Variants in PTPRT observed in about 807,000 individuals in gnomAD.
The protein encoded by PTPRT is protein tyrosine phosphatase receptor type T.
PTPRT carries 56 observed loss-of-function variants against 176.8 expected under a neutral mutation model. The ratio of observed to expected loss-of-function variants is 0.32; its 90% CI spans 0.26 to 0.40. The LOEUF is 0.40. Among genes scored for constraint, PTPRT ranks in the 10% least tolerant of loss-of-function variants. The pLI is 1.00. For synonymous variants in PTPRT, 783 were observed against 739.0 expected, an observed-to-expected ratio of 1.06 and a Z score of -0.96; for missense variants, 1,540 against 1,908.2, an observed-to-expected ratio of 0.81 and a Z score of 3.60.
downstream of PTPRT, among the ~76,000 whole-genome samples, chr20:42,069,390 T>C (rs1982224197): frequency 6.6e-6 from 1 of 152,238 alleles, no homozygotes; most frequent in African/African-American, 2.4e-5. Flanking sequence ...TTTTCCCTTT[T>C]GGACATTGAC....
chr20:42,721,773 C>A (rs576620783), intron 6 of PTPRT, among the ~76,000 whole-genome samples: 1 of 152,218 alleles, frequency 6.6e-6, no homozygotes, highest in African/African-American at 2.4e-5. Flanking sequence ...CATCCATGCA[C>A]GCACACACAG....
chr20:42,351,886 T>C (rs1238614272), intron 10 of PTPRT, among the ~76,000 whole-genome samples, 198 bp downstream of exon 10: 1 of 152,250 alleles, frequency 6.6e-6, no homozygotes, highest in Admixed American at 6.5e-5. Context: ...ACCTAATTAA[T>C]CTAATTTTTA....
intron 1 of PTPRT, among the ~76,000 whole-genome samples, chr20:42,993,123 A>T (rs543528529): frequency 1.3e-5 from 2 of 152,160 alleles, no homozygotes; most frequent in East Asian, 3.9e-4. Flanking sequence ...CGGAACAGAA[A>T]ATATGTATTT....
rs774331913 is a variant in PTPRT, at chr20:42,771,531, C to T, written c.588G>A (p.Leu196=). 3.1e-6 allele frequency: 5 copies of T among 1,614,104 alleles called. No individual in the cohort carries two copies. The highest frequency in any genetic ancestry group is 2.2e-5 in the East Asian group (1 of 44,880). Residue 196 remains leucine (L), a synonymous_variant, in exon 5 of 31, where the codon CTG becomes CTA. Coordinates refer to ENST00000373187, the MANE Select transcript of PTPRT (RefSeq NM_007050.6). Reference sequence around the variant, plus strand: ...CATTCACCTCCACGTTTTGGAGTCGCAGAAAATGAGGTGCTTTTCCTAAGA... The same window carrying T: ...CATTCACCTCCACGTTTTGGAGTCGTAGAAAATGAGGTGCTTTTCCTAAGA... ...AHPCRKAPHF[L]RLQNVEVNVG...
chr20:42,937,067 C>T (rs905909510), intron 1 of PTPRT, among the ~76,000 whole-genome samples: 2 of 152,166 alleles, frequency 1.3e-5, no homozygotes, highest in Non-Finnish European at 2.9e-5. Context: ...AGCAGCCCAT[C>T]CCTGCGCAGT....
chr20:42,703,303 C>T (rs1324075639), intron 6 of PTPRT, among the ~76,000 whole-genome samples: 1 of 151,810 alleles, frequency 6.6e-6, no homozygotes, highest in Non-Finnish European at 1.5e-5. Flanking sequence ...ACACTGGAAG[C>T]CAGTAAAACC....
chr20:42,739,766 A>G (rs2076581139), intron 6 of PTPRT, among the ~76,000 whole-genome samples: 1 of 152,254 alleles, frequency 6.6e-6, no homozygotes, highest in Admixed American at 6.5e-5. Flanking sequence ...GCCTGAAAGC[A>G]GGAGACACAA....
At chr20:42,460,249 T>G (rs751764382) in intron 8 of PTPRT, among the ~76,000 whole-genome samples, 1 of 152,158 alleles carries the variant, frequency 6.6e-6, no homozygotes, top group Non-Finnish European at 1.5e-5. Flanking sequence ...AAGAAATAAT[T>G]AGGGAAATGA....
At position 42,110,734 on chromosome 20, in the gene PTPRT, C is replaced by T. The variant is rs751712049; in HGVS notation, c.3100-247G>A. ...TCAGAGTCTTGAGTGTGCTCATACA[C>T]ACTCTGAATGCCCAAGAGGGCCACA... On this transcript the variant is annotated intron_variant, in intron 22 of 30. Transcript: ENST00000373187. Among the ~76,000 whole-genome samples, 88 of 152,320 alleles carry T rather than the reference C, an allele frequency of 5.8e-4. 1 individual carries two copies. The highest frequency in any genetic ancestry group is 1.1e-3 in the Non-Finnish European group (73 of 68,038).
intron 1 of PTPRT, among the ~76,000 whole-genome samples, chr20:42,929,303 T>C (rs2145969033): frequency 1.3e-5 from 2 of 152,378 alleles, no homozygotes; most frequent in South Asian, 2.1e-4. Context: ...TTATCAATAA[T>C]TTAGAGTTCC....
chr20:42,046,778 A>AGT, the PTPRT span, among the ~76,000 whole-genome samples: 1,536 of 150,810 alleles, frequency 0.01, 21 homozygotes, highest in East Asian at 0.049. Flanking sequence ...TTGTCATGTG[A>AGT]GTGTGTGTGT....
intron 1 of PTPRT, among the ~76,000 whole-genome samples, chr20:43,092,286 A>G (rs1455311448): frequency 6.6e-6 from 1 of 152,224 alleles, no homozygotes; most frequent in Non-Finnish European, 1.5e-5. Flanking sequence ...ATGTGTACTC[A>G]TCGGCTTCCA....
At chr20:42,083,397 G>A (rs1424360992) in intron 29 of PTPRT, among the ~76,000 whole-genome samples, 1 of 152,170 alleles carries the variant, frequency 6.6e-6, no homozygotes, top group Non-Finnish European at 1.5e-5. Context: ...TGGGATGTGG[G>A]CAGAGCCAGC....
At chr20:42,118,953 C>A (rs1410488703) in intron 20 of PTPRT, among the ~76,000 whole-genome samples, 6 of 136,402 alleles carry the variant, frequency 4.4e-5, no homozygotes, top group Admixed American at 2.5e-4. Context: ...ACAGGAGATG[C>A]CTGATTTTGT....
chr20:42,085,355 T>C (rs1983781144), intron 28 of PTPRT, among the ~76,000 whole-genome samples: 1 of 152,180 alleles, frequency 6.6e-6, no homozygotes, highest in Non-Finnish European at 1.5e-5. Context: ...TGGAAGTAAG[T>C]AATCACTTTT....
chr20:42,682,117 C>G (rs1283051019), intron 6 of PTPRT, among the ~76,000 whole-genome samples: 1 of 151,972 alleles, frequency 6.6e-6, no homozygotes, highest in Non-Finnish European at 1.5e-5. Context: ...TAACAGAAAT[C>G]AAAATAGTGT....
chr20:43,037,497 T>G (rs539619361), intron 1 of PTPRT, among the ~76,000 whole-genome samples: 4 of 152,344 alleles, frequency 2.6e-5, no homozygotes, highest in African/African-American at 7.2e-5. Flanking sequence ...AGGGATCTCG[T>G]GCACTTTAAG....
intron 1 of PTPRT, among the ~76,000 whole-genome samples, chr20:43,077,746 T>G (rs554177109): frequency 9.8e-5 from 15 of 152,306 alleles, no homozygotes; most frequent in African/African-American, 3.6e-4. Context: ...CAGTAACCCC[T>G]TTTGTGGAGT....
Position 42,735,080 on chromosome 20 carries a change from T to C in PTPRT, c.859+21382A>G, listed in dbSNP as rs16987315. Among the ~76,000 whole-genome samples, 360 of 152,268 alleles carry C rather than the reference T, an allele frequency of 2.4e-3. 7 individuals carry two copies. The East Asian group carries it at 0.062, about 26-fold the overall frequency. ...TGGGATATAGTCATCTCTCAGAAAA[T>C]GTTAGTTATTATCAACATGTGTATT... On this transcript the variant is annotated intron_variant, in intron 6 of 30. Coordinates refer to ENST00000373187, the MANE Select transcript of PTPRT (RefSeq NM_007050.6).
Sources: allele counts gnomAD v4.1 joint callset (sites outside exome capture counted in the v4.1 genomes callset), GRCh38; gene constraint gnomAD v4.1.1; transcripts MANE v1.5; gene names NCBI Gene and HGNC (gene_info 2026-07-23, HGNC 2026-07-21).